Variants in ACER1 observed in about 807,000 individuals in gnomAD.
ACER1 encodes the protein alkaline ceramidase 1, also known as CTB-180A7.3.
In ACER1, 28 loss-of-function variants were observed where a neutral mutation model predicts 24.9. The observed-to-expected ratio is 1.13, with a 90% CI of 0.83 to 1.54. ACER1 has a LOEUF of 1.54. Among genes scored for constraint, ACER1 ranks in the 40% most tolerant of loss-of-function variants. ACER1 has a pLI of 0.00. For synonymous variants in ACER1, 132 were observed against 131.4 expected (o/e 1.00, Z -0.03); for missense variants, 352 against 349.3 (o/e 1.01, Z -0.06).
In ACER1 at chr19:6,312,279, T is replaced by A; in HGVS notation, c.220A>T (p.Met74Leu). The A allele has an allele frequency of 6.2e-7, 1 of 1,613,942 alleles. No individual in the cohort carries two copies. Among genetic ancestry groups the A allele is most frequent in the Non-Finnish European group, 8.5e-7 (1 of 1,179,978 alleles). The stretch of plus-strand genomic sequence containing the variant: ...AAGCTGAGCGTCATGTGGAAATACA[T>A]GGAGAACAGGCCTGCAGCGGCAAGG... Reference protein sequence around the residue: ...VLFMIIGLFSMYFHMTLSFLG... With the variant: ...VLFMIIGLFSLYFHMTLSFLG... The change falls in exon 3 of 6, where the codon ATG becomes TTG. Residue 74 changes from methionine to leucine, a missense_variant. Transcript: ENST00000301452.
chr19:6,307,110 T>G, intron 5 of ACER1, 43 bp downstream of exon 5: 1 of 1,608,336 alleles, frequency 6.2e-7, no homozygotes, highest in Non-Finnish European at 8.5e-7. Flanking sequence ...CATCTAAGAT[T>G]CTCTGACTCT....
chr19:6,357,782 C>CT, the ACER1 span, among the ~76,000 whole-genome samples: 1 of 151,334 alleles, frequency 6.6e-6, no homozygotes, highest in Admixed American at 6.6e-5. Context: ...AAAAAATTAG[C>CT]TTTTTTGGGG....
chr19:6,356,766 C>T, the ACER1 span, among the ~76,000 whole-genome samples: 1 of 151,460 alleles, frequency 6.6e-6, no homozygotes, highest in Non-Finnish European at 1.5e-5. Context: ...GTCCTGTTGG[C>T]GTGTGCCTGT....
At chr19:6,333,203 T>A (rs971156004) in intron 1 of ACER1, among the ~76,000 whole-genome samples, 5 of 152,212 alleles carry the variant, frequency 3.3e-5, no homozygotes, top group Middle Eastern at 3.4e-3. Context: ...TGCAGTCACA[T>A]CAGAGTTAGC....
At chr19:6,334,559 C>G (rs551845626), upstream of ACER1, among the ~76,000 whole-genome samples, 5 of 152,114 alleles carry the variant, frequency 3.3e-5, no homozygotes, top group East Asian at 9.7e-4. Context: ...GTTGGTCAAG[C>G]TGGTCTCGAA....
chr19:6,314,795 C>T (rs1181148732), intron 1 of ACER1, among the ~76,000 whole-genome samples: 1 of 152,182 alleles, frequency 6.6e-6, no homozygotes, highest in African/African-American at 2.4e-5. Flanking sequence ...TTTATTGCAG[C>T]ACTGTTCACA....
chr19:6,341,593 CT>C, the ACER1 span, among the ~76,000 whole-genome samples: 2 of 146,420 alleles, frequency 1.4e-5, no homozygotes, highest in Non-Finnish European at 1.5e-5. Flanking sequence ...TAGCATTGGG[CT>C]TTTTTTTGTT....
intron 1 of ACER1, among the ~76,000 whole-genome samples, chr19:6,324,868 GAA>G (rs1491253135): frequency 0.12 from 15,959 of 134,138 alleles, 1,396 homozygotes; most frequent in East Asian, 0.35. Flanking sequence ...AGAAAGGAAG[GAA>G]GGAAGGAAGG....
intron 1 of ACER1, among the ~76,000 whole-genome samples, chr19:6,331,718 C>T (rs141997037): frequency 0.018 from 2,710 of 151,694 alleles, 84 homozygotes; most frequent in African/African-American, 0.061. Context: ...GGCTTGAACG[C>T]GGGAGGCAGA....
chr19:6,313,550 G>A (rs1600236303), intron 1 of ACER1, among the ~76,000 whole-genome samples: 1 of 152,206 alleles, frequency 6.6e-6, no homozygotes, highest in South Asian at 2.1e-4. Flanking sequence ...TGGCCAATGA[G>A]ATAAGAATGT....
At chr19:6,317,777 C>T (rs1038366295) in intron 1 of ACER1, among the ~76,000 whole-genome samples, 1 of 151,754 alleles carries the variant, frequency 6.6e-6, no homozygotes, top group African/African-American at 2.4e-5. Flanking sequence ...CTTTTTGAGA[C>T]AGAGTCTTGC....
chr19:6,328,771 A>G (rs2091673738), intron 1 of ACER1, among the ~76,000 whole-genome samples: 1 of 151,672 alleles, frequency 6.6e-6, no homozygotes, highest in African/African-American at 2.4e-5. Context: ...GGTTCAAGCA[A>G]TTCTCCTGCC....
In ACER1 at chr19:6,308,137, G is replaced by T. The variant is rs534409298; in HGVS notation, c.489-847C>A. On this transcript the variant is annotated intron_variant, in intron 4 of 5. Transcript: ENST00000301452. ...TAACAATAATAAATTAAACACCTTC[G>T]AATATTAACTCAGTCAGCTGGGCGC... Among the ~76,000 whole-genome samples, 17 of 151,552 alleles carry T rather than the reference G, an allele frequency of 1.1e-4. No homozygotes were observed. The South Asian group carries it at 3.5e-3, about 32-fold the overall frequency.
chr19:6,316,704 C>T (rs1001324525), intron 1 of ACER1, among the ~76,000 whole-genome samples: 19 of 151,178 alleles, frequency 1.3e-4, no homozygotes, highest in Non-Finnish European at 2.5e-4. Context: ...CCTATAATCC[C>T]AGCTACTCCA....
chr19:6,318,979 C>T (rs1242438019), intron 1 of ACER1, among the ~76,000 whole-genome samples: 1 of 151,542 alleles, frequency 6.6e-6, no homozygotes, highest in Non-Finnish European at 1.5e-5. Context: ...TCAGTAAAAG[C>T]AGGACACATC....
intron 1 of ACER1, among the ~76,000 whole-genome samples, chr19:6,323,724 G>A (rs2091644588): frequency 1.3e-5 from 2 of 152,184 alleles, no homozygotes; most frequent in South Asian, 4.1e-4. Context: ...GTAGGGCCTG[G>A]CACACCAGAG....
intron 1 of ACER1, among the ~76,000 whole-genome samples, chr19:6,318,197 TTACA>T (rs1277794698): frequency 6.6e-6 from 1 of 150,806 alleles, no homozygotes; most frequent in Non-Finnish European, 1.5e-5. Context: ...CGGGCATGGA[TTACA>T]GCTCACGCCT....
the ACER1 span, chr19:6,353,282 T>C: frequency 1.3e-5 from 2 of 151,618 alleles, no homozygotes; most frequent in Admixed American, 1.3e-4. Flanking sequence ...CAGTGAGCCA[T>C]GTTCACACCA....
At chr19:6,320,461 T>C (rs1568311034) in intron 1 of ACER1, among the ~76,000 whole-genome samples, 1 of 152,020 alleles carries the variant, frequency 6.6e-6, no homozygotes, top group Non-Finnish European at 1.5e-5. Flanking sequence ...TACAGGTGTG[T>C]GCCACCACAC....
Sources: allele counts gnomAD v4.1 joint callset (sites outside exome capture counted in the v4.1 genomes callset), GRCh38; gene constraint gnomAD v4.1.1; transcripts MANE v1.5; gene names NCBI Gene and HGNC (gene_info 2026-07-23, HGNC 2026-07-21).